Variants in LRRIQ3 observed in about 807,000 individuals in gnomAD.
LRRIQ3 encodes leucine rich repeats and IQ motif containing 3, also known as leucine-rich repeat and IQ domain-containing protein 3.
LRRIQ3 carries 75 observed loss-of-function variants against 59.3 expected under a neutral mutation model. That is an observed-to-expected ratio of 1.26 (90% CI 1.05 to 1.53). The LOEUF (loss-of-function observed/expected upper bound fraction) is 1.53, where lower values mean the gene tolerates loss of function less well. Among genes scored for constraint, LRRIQ3 ranks in the 40% most tolerant of loss-of-function variants. LRRIQ3 has a pLI of 0.00. For synonymous variants in LRRIQ3, 250 were observed against 231.3 expected (o/e 1.08, Z -0.73); for missense variants, 831 against 710.0 (o/e 1.17, Z -1.94).
chr1:74,043,977 C>T (rs1206545959), intron 6 of LRRIQ3, among the ~76,000 whole-genome samples: 5 of 152,020 alleles, frequency 3.3e-5, no homozygotes, highest in African/African-American at 1.2e-4. Context: ...TCTATGCATT[C>T]TTCCATGTCT....
intron 5 of LRRIQ3, chr1:74,084,094 A>C (rs1646301651): frequency 7.1e-7 from 1 of 1,414,524 alleles, no homozygotes; most frequent in Admixed American, 2.2e-5. Flanking sequence ...GTGTCCAATC[A>C]GAGACAAGTT....
rs764139601 is a variant in LRRIQ3 at position 74,041,388 on chromosome 1, G to A, written c.1543C>T (p.Arg515Cys). Residue 515 changes from arginine (R) to cysteine (C), a missense_variant, in exon 7 of 8, where the codon CGT (arginine) becomes TGT (cysteine). Coordinates refer to ENST00000354431, the MANE Select transcript of LRRIQ3 (RefSeq NM_001105659.2). ...TTATTTAAGTTTTGAACTAATAAAC[G>A]CTCTGAAGCCTTTTGGGATTTTTCT... ...LKEKSQKASE[R>C]LLVQNLNNER... The A allele has an allele frequency of 6.8e-6, 11 of 1,613,536 alleles. No individual in the cohort carries two copies. Among genetic ancestry groups the A allele is most frequent in the African/African-American group, 2.7e-5 (2 of 74,882 alleles).
At chr1:74,164,033 T>C (rs1240474298) in intron 3 of LRRIQ3, among the ~76,000 whole-genome samples, 1 of 151,634 alleles carries the variant, frequency 6.6e-6, no homozygotes, top group African/African-American at 2.4e-5. Flanking sequence ...TTGCCATCTG[T>C]ATATACCCTT....
At chr1:74,058,600 T>A (rs924390966) in intron 6 of LRRIQ3, among the ~76,000 whole-genome samples, 5 of 152,144 alleles carry the variant, frequency 3.3e-5, no homozygotes, top group Admixed American at 6.6e-5. Flanking sequence ...AGAGGTTGGT[T>A]AACAGATACA....
At chr1:74,182,400 A>G (rs972634888) in intron 3 of LRRIQ3, 138 bp downstream of exon 3, 1 of 447,872 alleles carries the variant, frequency 2.2e-6, no homozygotes, top group Non-Finnish European at 3.6e-6. Context: ...CATTACAAAT[A>G]TATTCATTGG....
At chr1:74,187,900 C>T (rs1319143706) in intron 1 of LRRIQ3, among the ~76,000 whole-genome samples, 1 of 152,080 alleles carries the variant, frequency 6.6e-6, no homozygotes, top group African/African-American at 2.4e-5. Flanking sequence ...CAACATTTGA[C>T]CCAGCAATCC....
chr1:74,147,048 C>T (rs910521997), intron 4 of LRRIQ3, among the ~76,000 whole-genome samples: 18 of 151,878 alleles, frequency 1.2e-4, no homozygotes, highest in African/African-American at 4.1e-4. Flanking sequence ...GGCAACATTG[C>T]GAAACTCCAT....
chr1:74,131,267 C>T (rs146719105), intron 4 of LRRIQ3, among the ~76,000 whole-genome samples: 14,282 of 152,040 alleles, frequency 0.094, 694 homozygotes, highest in Middle Eastern at 0.13. Context: ...CAGGACCAGA[C>T]AGATTCACAG....
At chr1:74,153,861 T>G (rs979615096) in intron 4 of LRRIQ3, among the ~76,000 whole-genome samples, 1 of 152,158 alleles carries the variant, frequency 6.6e-6, no homozygotes, top group African/African-American at 2.4e-5. Context: ...ACTGTCTGCA[T>G]GCTGGAAGGG....
intron 5 of LRRIQ3, among the ~76,000 whole-genome samples, chr1:74,107,165 T>C (rs954249019): frequency 1.3e-5 from 2 of 152,036 alleles, no homozygotes; most frequent in Non-Finnish European, 2.9e-5. Flanking sequence ...TCCATAGTTA[T>C]GGGAATTATT....
intron 6 of LRRIQ3, among the ~76,000 whole-genome samples, chr1:74,053,420 G>A (rs1654431199): frequency 6.6e-6 from 1 of 152,068 alleles, no homozygotes; most frequent in Admixed American, 6.6e-5. Context: ...CTGCAAAAGA[G>A]ACTATCCAGA....
At chr1:74,182,908 G>T (rs200495307) in intron 2 of LRRIQ3, 47 bp from the exon 3 acceptor site, 2 of 1,041,870 alleles carry the variant, frequency 1.9e-6, no homozygotes, top group Non-Finnish European at 2.7e-6. Context: ...TACTTTTTTC[G>T]AATAGCACAG....
At chr1:74,060,735 G>A (rs918517601) in intron 6 of LRRIQ3, among the ~76,000 whole-genome samples, 2 of 151,970 alleles carry the variant, frequency 1.3e-5, no homozygotes, top group African/African-American at 4.8e-5. Flanking sequence ...AAAGGTAGGA[G>A]GAACATCTGC....
At chr1:74,179,319 T>A (rs551742909) in intron 3 of LRRIQ3, among the ~76,000 whole-genome samples, 2 of 152,154 alleles carry the variant, frequency 1.3e-5, no homozygotes, top group African/African-American at 4.8e-5. Context: ...TCATTTTATG[T>A]CACAATTAAG....
At chr1:74,112,420 C>G (rs2100567989) in intron 4 of LRRIQ3, among the ~76,000 whole-genome samples, 1 of 152,048 alleles carries the variant, frequency 6.6e-6, no homozygotes, top group East Asian at 1.9e-4. Flanking sequence ...TGAAGTTTTC[C>G]AGAGAAAAAC....
chr1:74,142,265 T>C (rs575735130), intron 4 of LRRIQ3, among the ~76,000 whole-genome samples: 2 of 152,104 alleles, frequency 1.3e-5, no homozygotes, highest in African/African-American at 2.4e-5. Flanking sequence ...TTCACACTCA[T>C]AGTATCGCCA....
chr1:74,028,171 C>G (rs912171491), intron 7 of LRRIQ3, among the ~76,000 whole-genome samples: 1 of 151,952 alleles, frequency 6.6e-6, no homozygotes, highest in African/African-American at 2.4e-5. Flanking sequence ...GGAAGGAGAA[C>G]AAGGCAGCAG....
intron 4 of LRRIQ3, among the ~76,000 whole-genome samples, chr1:74,123,187 A>T (rs551207607): frequency 6.6e-6 from 1 of 152,116 alleles, no homozygotes; most frequent in East Asian, 1.9e-4. Context: ...TAGGAGGTGT[A>T]TATAGTTATG....
intron 6 of LRRIQ3, among the ~76,000 whole-genome samples, chr1:74,067,423 G>A (rs907638424): frequency 2.0e-5 from 3 of 152,046 alleles, no homozygotes; most frequent in African/African-American, 7.2e-5. Flanking sequence ...GGAGAATTAC[G>A]GAATTGCCTA....
Sources: allele counts gnomAD v4.1 joint callset (sites outside exome capture counted in the v4.1 genomes callset), GRCh38; gene constraint gnomAD v4.1.1; transcripts MANE v1.5; gene names NCBI Gene and HGNC (gene_info 2026-07-23, HGNC 2026-07-21).